DPP10: variants seen among roughly 807,000 people sequenced by gnomAD.
The protein encoded by DPP10 is inactive dipeptidyl peptidase 10.
DPP10 carries 33 observed loss-of-function variants against 120.9 expected under a neutral mutation model. The ratio of observed to expected loss-of-function variants is 0.27; its 90% confidence interval spans 0.21 to 0.37. The LOEUF (loss-of-function observed/expected upper bound fraction) is 0.37, where lower values mean the gene tolerates loss of function less well. DPP10 is among the 10% of genes least tolerant of loss of function. The probability of loss-of-function intolerance (pLI) is 1.00; values close to 1 mark genes in which losing one functional copy is unlikely to be tolerated. For synonymous variants in DPP10, 337 were observed against 326.1 expected, an observed-to-expected ratio of 1.03 and a Z score of -0.36; for missense variants, 816 against 942.8, an observed-to-expected ratio of 0.87 and a Z score of 1.76.
intron 4 of DPP10, among the ~76,000 whole-genome samples, chr2:115,509,809 G>T (rs2077132400): frequency 6.6e-6 from 1 of 152,148 alleles, no homozygotes; most frequent in African/African-American, 2.4e-5. Flanking sequence ...TGGTTGCATG[G>T]ATTTGCCTTC....
chr2:115,144,092 A>T (rs1258440837), intron 1 of DPP10: 1 of 152,218 alleles, frequency 6.6e-6, no homozygotes, highest in Non-Finnish European at 1.5e-5. Context: ...ACAGTGAAAG[A>T]TTTAAACATA....
chr2:115,297,264 C>A, intron 1 of DPP10: 2 of 400,650 alleles, frequency 5.0e-6, no homozygotes, highest in Non-Finnish European at 1.0e-5. Context: ...CTGTTTTATG[C>A]CTAGGAAGAT....
At chr2:114,553,553 G>A (rs755049950) in intron 1 of DPP10, among the ~76,000 whole-genome samples, 7 of 152,202 alleles carry the variant, frequency 4.6e-5, no homozygotes, top group Non-Finnish European at 7.3e-5. Flanking sequence ...CAAGAGAGGC[G>A]AGTGGTTTTT....
At chr2:114,823,817 A>G (rs1686303134) in intron 1 of DPP10, among the ~76,000 whole-genome samples, 2 of 152,210 alleles carry the variant, frequency 1.3e-5, no homozygotes, top group Admixed American at 6.5e-5. Context: ...AAAATAACCC[A>G]TTCTCTCTGT....
chr2:114,678,723 C>T (rs934261343), intron 1 of DPP10, among the ~76,000 whole-genome samples: 23 of 151,886 alleles, frequency 1.5e-4, no homozygotes, highest in African/African-American at 1.7e-4. Flanking sequence ...GATTATTAAA[C>T]GCCCAGGCAG....
rs139168904 is a variant in DPP10, at chr2:114,537,379, GA to G, written c.60+94550del. On this transcript the variant is annotated intron_variant, in intron 1 of 25. Transcript: ENST00000410059. ...ATAGGAATTCATGTGCATTCAGAAA[GA>G]AAAAAAAACAGTTGTTCTTGTGTGT... 4.0e-4 allele frequency among the ~76,000 whole-genome samples: 60 copies of G among 149,668 alleles called. 1 individual carries two copies. Among genetic ancestry groups the G allele is most frequent in the South Asian group, 3.6e-3 (17 of 4,718 alleles).
At chr2:115,255,019 T>C (rs1425118488) in intron 1 of DPP10, among the ~76,000 whole-genome samples, 2 of 152,186 alleles carry the variant, frequency 1.3e-5, no homozygotes, top group Non-Finnish European at 1.5e-5. Flanking sequence ...CACTAGATAG[T>C]GAAGCAATGG....
intron 1 of DPP10, among the ~76,000 whole-genome samples, chr2:114,875,399 CT>C (rs1470417342): frequency 6.6e-5 from 10 of 152,076 alleles, no homozygotes; most frequent in Non-Finnish European, 1.5e-4. Context: ...CTGCTAGATA[CT>C]TTTTTTCTTA....
intron 1 of DPP10, among the ~76,000 whole-genome samples, chr2:114,929,507 A>G (rs903178432): frequency 1.3e-5 from 2 of 152,144 alleles, no homozygotes; most frequent in African/African-American, 4.8e-5. Context: ...GTTATTCCTT[A>G]CTGGGAAAAG....
chr2:114,942,303 A>ATATATATATATATATG (rs1696979631), intron 1 of DPP10, among the ~76,000 whole-genome samples: 1 of 122,276 alleles, frequency 8.2e-6, no homozygotes, highest in African/African-American at 3.0e-5. Context: ...ATATACATAT[A>ATATATATATATATATG]TATATATATA....
intron 4 of DPP10, among the ~76,000 whole-genome samples, chr2:115,500,895 A>G (rs2076649011): frequency 6.6e-6 from 1 of 152,006 alleles, no homozygotes; most frequent in Non-Finnish European, 1.5e-5. Flanking sequence ...GGATACTAGA[A>G]AAAAGCCTAG....
chr2:115,404,148 A>G (rs2104515423), intron 3 of DPP10, among the ~76,000 whole-genome samples: 1 of 152,258 alleles, frequency 6.6e-6, no homozygotes, highest in East Asian at 1.9e-4. Flanking sequence ...GCTGTACGTA[A>G]AGCATGATGC....
intron 1 of DPP10, among the ~76,000 whole-genome samples, chr2:115,035,889 G>T (rs1454020855): frequency 6.6e-6 from 1 of 152,108 alleles, no homozygotes; most frequent in Non-Finnish European, 1.5e-5. Flanking sequence ...TGATACATTT[G>T]TGTGCAATGC....
chr2:115,285,207 C>T (rs1281827872), intron 1 of DPP10, among the ~76,000 whole-genome samples: 1 of 152,014 alleles, frequency 6.6e-6, no homozygotes, highest in Non-Finnish European at 1.5e-5. Flanking sequence ...CATACATGCC[C>T]TGAACTGCTA....
At chr2:114,865,838 C>T (rs1458384820) in intron 1 of DPP10, among the ~76,000 whole-genome samples, 6 of 152,126 alleles carry the variant, frequency 3.9e-5, no homozygotes, top group Admixed American at 3.9e-4. Flanking sequence ...GTTGGCCAGA[C>T]ACGGTGGTTC....
intron 1 of DPP10, among the ~76,000 whole-genome samples, chr2:114,479,690 C>T (rs1161454262): frequency 1.3e-5 from 2 of 152,158 alleles, no homozygotes; most frequent in African/African-American, 4.8e-5. Context: ...GAACCCCTTC[C>T]TTACACCTTA....
At chr2:115,678,592 G>A (rs1404291328) in intron 5 of DPP10, among the ~76,000 whole-genome samples, 1 of 152,212 alleles carries the variant, frequency 6.6e-6, no homozygotes, top group Non-Finnish European at 1.5e-5. Flanking sequence ...ACCTCTACTA[G>A]GGCAATGCAG....
intron 5 of DPP10, among the ~76,000 whole-genome samples, chr2:115,656,344 T>C (rs1407385401): frequency 1.3e-5 from 2 of 151,716 alleles, no homozygotes; most frequent in African/African-American, 2.4e-5. Flanking sequence ...ATAATGTTCA[T>C]ACATTGTGTT....
intron 1 of DPP10, among the ~76,000 whole-genome samples, chr2:114,780,842 T>A (rs1014037741): frequency 1.3e-5 from 2 of 152,082 alleles, no homozygotes; most frequent in Non-Finnish European, 2.9e-5. Flanking sequence ...TTGCACATGT[T>A]GAGAATGAAT....
Sources: gnomAD v4.1 joint callset for allele counts (sites outside exome capture counted in the v4.1 genomes callset) on GRCh38, gnomAD v4.1.1 for gene constraint, MANE v1.5 for transcripts, NCBI Gene and HGNC (gene_info 2026-07-23, HGNC 2026-07-21) for gene names.